PHKB: variants seen among roughly 807,000 people sequenced by gnomAD.
The protein encoded by PHKB is phosphorylase kinase regulatory subunit beta, also known as phosphorylase b kinase regulatory subunit beta.
A neutral mutation model predicts 152.1 loss-of-function variants in PHKB; 122 were observed. The ratio of observed to expected loss-of-function variants is 0.80; its 90% CI spans 0.69 to 0.93. The LOEUF is 0.93. Among genes scored for constraint, PHKB ranks in the 40% least tolerant of loss-of-function variants. The pLI, the probability that PHKB is intolerant of heterozygous loss-of-function variation, is 0.00. For missense variants in PHKB, 1,304 were observed against 1,328.4 expected, an observed-to-expected ratio of 0.98 and a Z score of 0.29; for synonymous variants, 436 against 464.9, an observed-to-expected ratio of 0.94 and a Z score of 0.80.
intron 1 of PHKB, among the ~76,000 whole-genome samples, chr16:47,494,048 G>C (rs1460315751): frequency 9.2e-5 from 14 of 152,208 alleles, no homozygotes. Context: ...GGAGGATTCA[G>C]ATCCCAACAG....
intron 7 of PHKB, among the ~76,000 whole-genome samples, chr16:47,573,886 CCA>C (rs1724990480): frequency 6.6e-6 from 1 of 152,176 alleles, no homozygotes; most frequent in South Asian, 2.1e-4. Context: ...TGGCTTCCCT[CCA>C]TCCCTGCTAG....
At chr16:47,482,839 G>A (rs2151634540) in intron 1 of PHKB, among the ~76,000 whole-genome samples, 2 of 151,756 alleles carry the variant, frequency 1.3e-5, no homozygotes, top group South Asian at 4.2e-4. Context: ...TCCCACCTCA[G>A]CCTCCCATGT....
intron 26 of PHKB, among the ~76,000 whole-genome samples, chr16:47,680,897 G>C (rs981162763): frequency 1.2e-4 from 19 of 152,190 alleles, no homozygotes; most frequent in Admixed American, 6.5e-4. Context: ...GCTTCCTCTT[G>C]TGGGCATTTA....
At chr16:47,667,226 A>G (rs1348230310) in intron 25 of PHKB, among the ~76,000 whole-genome samples, 2 of 151,992 alleles carry the variant, frequency 1.3e-5, no homozygotes, top group Non-Finnish European at 2.9e-5. Context: ...GAGGCCAGGA[A>G]TTCGAGACCA....
chr16:47,509,029 G>T (rs139250417), intron 4 of PHKB, among the ~76,000 whole-genome samples: 1 of 152,158 alleles, frequency 6.6e-6, no homozygotes, highest in East Asian at 1.9e-4. Flanking sequence ...TGCATGTCTT[G>T]AAGACAAATG....
intron 26 of PHKB, among the ~76,000 whole-genome samples, chr16:47,684,125 G>A (rs566801597): frequency 2.2e-4 from 33 of 151,566 alleles, no homozygotes; most frequent in African/African-American, 7.7e-4. Context: ...CTTGAGCCCA[G>A]GAGTTTGAGA....
intron 1 of PHKB, among the ~76,000 whole-genome samples, chr16:47,476,321 A>G (rs973385735): frequency 2.0e-5 from 3 of 152,094 alleles, no homozygotes; most frequent in African/African-American, 7.2e-5. Flanking sequence ...AGTTTTGTGG[A>G]ATCTTTTTAT....
Position 47,596,438 on chromosome 16 carries a change from C to G in PHKB, c.1270C>G (p.Pro424Ala), listed in dbSNP as rs1295800142. 6.2e-7 allele frequency: 1 copy of G among 1,612,422 alleles called. No homozygotes were observed. The highest frequency in any genetic ancestry group is 8.5e-7 in the Non-Finnish European group (1 of 1,178,614). The change falls in exon 13 of 31, where the codon CCT becomes GCT. Residue 424 changes from proline to alanine, a missense_variant. Coordinates refer to ENST00000323584, the MANE Select transcript of PHKB (RefSeq NM_000293.3). ...CTTTGTAGAATATGAAAAAAATAAC[C>G]CTGGTAGTCAAAAACGATTTCCTAG... ...ADFVEYEKNN[P>A]GSQKRFPSNC...
chr16:47,569,944 T>G (rs969062498), intron 7 of PHKB, among the ~76,000 whole-genome samples: 1 of 152,184 alleles, frequency 6.6e-6, no homozygotes, highest in African/African-American at 2.4e-5. Context: ...TTTAGATGTT[T>G]AGAACTCCAT....
chr16:47,465,780 C>T (rs565229118), intron 1 of PHKB, among the ~76,000 whole-genome samples: 8 of 152,252 alleles, frequency 5.3e-5, no homozygotes, highest in African/African-American at 1.9e-4. Context: ...TTTAGAAATA[C>T]TCCATTTATA....
intron 14 of PHKB, among the ~76,000 whole-genome samples, chr16:47,639,266 A>C (rs555252076): frequency 6.6e-6 from 1 of 152,314 alleles, no homozygotes; most frequent in African/African-American, 2.4e-5. Context: ...TGGGCAATAG[A>C]GTGAAAACCT....
rs543433308 is a variant in PHKB at position 47,525,851 on chromosome 16, T to C, written c.594+10250T>C. On this transcript the variant is annotated intron_variant, in intron 6 of 30. Transcript: ENST00000323584. ...ACAGGTGAACAGCAAGCTTCAACAGTAGGGAACAGTTTATAAAAGCATAAT... is the reference window on the plus strand; with the variant it reads ...ACAGGTGAACAGCAAGCTTCAACAGCAGGGAACAGTTTATAAAAGCATAAT... 2.0e-5 allele frequency among the ~76,000 whole-genome samples: 3 copies of C among 152,190 alleles called. No individual in the cohort carries two copies. In the South Asian group the frequency reaches 6.2e-4, roughly 32 times the overall value.
At chr16:47,521,769 T>C (rs1452797336) in intron 6 of PHKB, among the ~76,000 whole-genome samples, 2 of 152,178 alleles carry the variant, frequency 1.3e-5, no homozygotes, top group African/African-American at 4.8e-5. Context: ...GCTTTCATCA[T>C]GGAAAGTTGT....
At chr16:47,567,903 G>A (rs1971597006) in intron 7 of PHKB, among the ~76,000 whole-genome samples, 1 of 152,168 alleles carries the variant, frequency 6.6e-6, no homozygotes, top group Admixed American at 6.5e-5. Context: ...TGATCAGGTT[G>A]AATTATCTTT....
rs121918021 is a variant in PHKB, at chr16:47,596,425, T to G, written c.1257T>G (p.Tyr419Ter). ...YYYVPADFVE[Y>*]EKNNPGSQKR... is the part of the protein sequence containing the mutation. ...ATGTGCCAGCTGACTTTGTAGAATATGAAAAAAATAACCCTGGTAGTCAAA... is the reference window on the plus strand; with the variant it reads ...ATGTGCCAGCTGACTTTGTAGAATAGGAAAAAAATAACCCTGGTAGTCAAA... The change falls in exon 13 of 31, where the codon TAT becomes TAG. Residue 419 changes from tyrosine to a stop codon, truncating the protein, a stop_gained. Transcript: ENST00000323584. LOFTEE classifies it high-confidence loss of function. The G allele has an allele frequency of 2.5e-6, 4 of 1,612,042 alleles. No homozygotes were observed. The highest frequency in any genetic ancestry group is 3.4e-6 in the Non-Finnish European group (4 of 1,178,262).
At position 47,632,785 on chromosome 16, in the gene PHKB, TTGTATTACAC is replaced by T. The variant is rs571545742; in HGVS notation, c.1459-8246_1459-8237del. The stretch of plus-strand genomic sequence containing the variant: ...GTTTTCTCTGTGTGCCCTTTGAAAG[TTGTATTACAC>T]TGTTTTATTTATAGCCCCCAGCTGC... On this transcript the variant is annotated intron_variant, in intron 14 of 30. Transcript: ENST00000323584. 4.6e-3 allele frequency among the ~76,000 whole-genome samples: 701 copies of T among 152,362 alleles called. 4 individuals carry two copies. Among genetic ancestry groups the T allele is most frequent in the African/African-American group, 0.016 (677 of 41,590 alleles).
chr16:47,644,917 G>A (rs1954931942), intron 16 of PHKB, among the ~76,000 whole-genome samples: 1 of 152,174 alleles, frequency 6.6e-6, no homozygotes, highest in Admixed American at 6.5e-5. Context: ...ATGTTGAAAT[G>A]AGATTCCACC....
At chr16:47,531,327 C>T (rs1970858175) in intron 6 of PHKB, among the ~76,000 whole-genome samples, 1 of 152,120 alleles carries the variant, frequency 6.6e-6, no homozygotes, top group Non-Finnish European at 1.5e-5. Context: ...AAAGGTTATA[C>T]TTTTAGAGCA....
chr16:47,634,038 G>C (rs1972873251), intron 14 of PHKB, among the ~76,000 whole-genome samples: 1 of 152,176 alleles, frequency 6.6e-6, no homozygotes. Flanking sequence ...GGTTGTGGTT[G>C]TGTTGCTGGC....
Sources: gnomAD v4.1 joint callset for allele counts (sites outside exome capture counted in the v4.1 genomes callset) on GRCh38, gnomAD v4.1.1 for gene constraint, MANE v1.5 for transcripts, NCBI Gene and HGNC (gene_info 2026-07-23, HGNC 2026-07-21) for gene names.